Variants in AMDHD1 observed in about 807,000 individuals in gnomAD.
AMDHD1 encodes the protein amidohydrolase domain containing 1.
In AMDHD1, 45 loss-of-function variants were observed where a neutral mutation model predicts 44.1. The ratio of observed to expected loss-of-function variants is 1.02; its 90% CI spans 0.80 to 1.31. The LOEUF (loss-of-function observed/expected upper bound fraction) is 1.31, where lower values mean the gene tolerates loss of function less well. Ranked by LOEUF, AMDHD1 falls within the 50% of genes most tolerant of loss-of-function variation. AMDHD1 has a pLI of 0.00. For synonymous variants in AMDHD1, 206 were observed against 205.0 expected, an observed-to-expected ratio of 1.00 and a Z score of -0.04; for missense variants, 586 against 552.1, an observed-to-expected ratio of 1.06 and a Z score of -0.61.
At chr12:95,944,233 C>T (rs1005423903) in intron 1 of AMDHD1, among the ~76,000 whole-genome samples, 2 of 152,060 alleles carry the variant, frequency 1.3e-5, no homozygotes, top group African/African-American at 4.8e-5. Flanking sequence ...CAATTGCACA[C>T]GATCAATGAG....
chr12:95,959,378 A>G (rs2080568304), intron 4 of AMDHD1, among the ~76,000 whole-genome samples: 2 of 152,148 alleles, frequency 1.3e-5, no homozygotes, highest in South Asian at 4.1e-4. Flanking sequence ...ACATATAACT[A>G]CTGCAGAACT....
At chr12:95,956,525 T>G in intron 3 of AMDHD1, 160 bp from the exon 4 acceptor site, 3 of 970,526 alleles carry the variant, frequency 3.1e-6, no homozygotes, top group Non-Finnish European at 4.5e-6. Context: ...ACTAGGGGCT[T>G]CCAGGACTGT....
At chr12:95,961,777 G>A (rs2080582995) in intron 5 of AMDHD1, among the ~76,000 whole-genome samples, 1 of 152,176 alleles carries the variant, frequency 6.6e-6, no homozygotes, top group Non-Finnish European at 1.5e-5. Context: ...TCTCACCTCT[G>A]ATCCATAAGA....
At position 95,943,460 on chromosome 12, in the gene AMDHD1, G is replaced by A. The variant is rs1592818287; in HGVS notation, c.62G>A (p.Arg21His). The change falls in exon 1 of 9, where the codon CGC becomes CAC. Residue 21 changes from arginine to histidine, a missense_variant. Transcript: ENST00000266736. ...CAGCAAGTGGTGCTGGTGTGCGCCC[G>A]CGGCGAGCGCTTCCTGGCGCGGGAT... Reference protein sequence around the residue: ...NAQQVVLVCARGERFLARDAL... With the variant: ...NAQQVVLVCAHGERFLARDAL... 6.6e-7 allele frequency: 1 copy of A among 1,503,848 alleles called. No homozygotes were observed. The allele number at this position is 1,503,848 out of a possible 1,614,324, so 93.2% of individuals were successfully genotyped here.
In AMDHD1 at chr12:95,962,437, G is replaced by C. The variant is rs2080587422; in HGVS notation, c.896G>C (p.Arg299Thr). 6.2e-7 allele frequency: 1 copy of C among 1,613,852 alleles called. No homozygotes were observed. The highest frequency in any genetic ancestry group is 1.7e-5 in the Admixed American group (1 of 59,986). Residue 299 changes from arginine to threonine, a missense_variant, in exon 6 of 9, where the codon AGG (arginine) becomes ACG (threonine). By Grantham distance (71) the Arg-to-Thr change is moderately conservative. Transcript: ENST00000266736. Reference protein sequence around the residue: ...DEGIVAMATARCSAILLPTTA... With the variant: ...DEGIVAMATATCSAILLPTTA... Reference sequence around the variant, plus strand: ...GGCATCGTTGCCATGGCAACGGCCAGGTGCTCTGCCATCCTTCTGCCCACC... The same window carrying C: ...GGCATCGTTGCCATGGCAACGGCCACGTGCTCTGCCATCCTTCTGCCCACC...
intron 5 of AMDHD1, among the ~76,000 whole-genome samples, chr12:95,962,120 G>A (rs1255919295): frequency 1.3e-5 from 2 of 152,166 alleles, no homozygotes; most frequent in East Asian, 1.9e-4. Context: ...ACAAAAGTTA[G>A]CTGGGCATGG....
At chr12:95,948,005 G>A (rs1292624464) in intron 1 of AMDHD1, among the ~76,000 whole-genome samples, 3 of 119,366 alleles carry the variant, frequency 2.5e-5, no homozygotes, top group Admixed American at 1.6e-4. Context: ...TCAGCCCCCC[G>A]CCCGGCCAGC....
chr12:95,951,787 AG>A (rs2080526809), intron 1 of AMDHD1, among the ~76,000 whole-genome samples: 1 of 152,176 alleles, frequency 6.6e-6, no homozygotes, highest in African/African-American at 2.4e-5. Context: ...AACTGGGGTA[AG>A]ATGATCTCTC....
intron 1 of AMDHD1, among the ~76,000 whole-genome samples, chr12:95,948,403 G>T (rs1177663162): frequency 8.3e-5 from 5 of 60,052 alleles, no homozygotes; most frequent in Admixed American, 3.3e-4. Flanking sequence ...CCCCGTCCGG[G>T]AGGTGAGGGG....
chr12:95,954,316 T>C (rs1475632258), intron 2 of AMDHD1, among the ~76,000 whole-genome samples: 1 of 152,108 alleles, frequency 6.6e-6, no homozygotes, highest in East Asian at 1.9e-4. Context: ...ATGCTTGTAA[T>C]CCCAGCACTT....
intron 1 of AMDHD1, among the ~76,000 whole-genome samples, chr12:95,950,136 A>G (rs1455865699): frequency 6.6e-6 from 1 of 152,170 alleles, no homozygotes; most frequent in Non-Finnish European, 1.5e-5. Context: ...TCAATTTCTA[A>G]TCCTGCCGGT....
At chr12:95,960,310 T>C in intron 4 of AMDHD1, 88 bp from the exon 5 acceptor site, 1 of 1,121,566 alleles carries the variant, frequency 8.9e-7, no homozygotes, top group South Asian at 1.5e-5. Flanking sequence ...CCTCTACTGC[T>C]CCTCAGGTTC....
rs1358481972 is a variant in AMDHD1 at position 95,949,160 on chromosome 12, G to GAAA, written c.138-3541_138-3539dup. Among the ~76,000 whole-genome samples, 5 of 101,886 alleles carry GAAA rather than the reference G, an allele frequency of 4.9e-5. 1 individual carries two copies. Among genetic ancestry groups the GAAA allele is most frequent in the African/African-American group, 1.0e-4 (3 of 30,042 alleles). The allele number at this position is 101,886 out of a possible 152,430, so 66.8% of individuals were successfully genotyped here. A position where few individuals can be genotyped will look rare whatever the true frequency, so the allele number is the denominator to read the frequency against. On this transcript the variant is annotated intron_variant, in intron 1 of 8. Transcript: ENST00000266736. Reference sequence around the variant, plus strand: ...TAAATTAAAAAAAAAAAAAAAAAAAGAAAAAAAAAAAAAAAAAAGAGACTG... The same window carrying GAAA: ...TAAATTAAAAAAAAAAAAAAAAAAAGAAAAAAAAAAAAAAAAAAAAAGAGACTG...
In AMDHD1 at chr12:95,957,002, A is replaced by G. The variant is rs1227650991; in HGVS notation, c.587+40A>G. The stretch of plus-strand genomic sequence containing the variant: ...TGGGGGCCCGGGTTTAACTCAGAGC[A>G]TTGAAAACGAACCCCGGGGGTGGAG... On this transcript the variant is annotated intron_variant, in intron 4 of 8. Transcript: ENST00000266736. 3.1e-6 allele frequency: 5 copies of G among 1,605,754 alleles called. No homozygotes were observed. The African/African-American group carries it at 5.4e-5, about 17-fold the overall frequency.
intron 1 of AMDHD1, among the ~76,000 whole-genome samples, chr12:95,949,158 AAG>A (rs1329548898): frequency 4.3e-4 from 8 of 18,554 alleles, no homozygotes; most frequent in South Asian, 1.8e-3. Context: ...AAAAAAAAAA[AAG>A]AAAAAAAAAA....
chr12:95,961,329 A>G (rs1296454982), intron 5 of AMDHD1, among the ~76,000 whole-genome samples: 2 of 152,214 alleles, frequency 1.3e-5, no homozygotes, highest in African/African-American at 4.8e-5. Context: ...AATAGCCACA[A>G]GATGATTTTC....
rs1358481972 is a variant in AMDHD1 at position 95,949,160 on chromosome 12, GA to G, written c.138-3539del. On this transcript the variant is annotated intron_variant, in intron 1 of 8. Coordinates refer to ENST00000266736, the MANE Select transcript of AMDHD1 (RefSeq NM_152435.3). ...TAAATTAAAAAAAAAAAAAAAAAAA[GA>G]AAAAAAAAAAAAAAAAAGAGACTGC... Among the ~76,000 whole-genome samples the G allele has an allele frequency of 3.0e-3, 304 of 101,908 alleles. 8 individuals carry two copies. Among genetic ancestry groups the G allele is most frequent in the Non-Finnish European group, 5.2e-3 (231 of 44,592 alleles). 66.9% of individuals were successfully genotyped at this position (101,908 alleles called of 152,430 possible). A position where few individuals can be genotyped will look rare whatever the true frequency, so the allele number is the denominator to read the frequency against.
rs80225631 is a variant in AMDHD1 at position 95,945,650 on chromosome 12, C to T, written c.137+2115C>T. On this transcript the variant is annotated intron_variant, in intron 1 of 8. Transcript: ENST00000266736. The stretch of plus-strand genomic sequence containing the variant: ...TCAAGGACAACTTAATCCTGCTCTT[C>T]TTTTGGTAGACAAGAAGAACACAGG... Among the ~76,000 whole-genome samples, 192 of 152,286 alleles carry T rather than the reference C, an allele frequency of 1.3e-3. 1 individual carries two copies. Among genetic ancestry groups the T allele is most frequent in the African/African-American group, 4.5e-3 (188 of 41,554 alleles).
intron 1 of AMDHD1, among the ~76,000 whole-genome samples, chr12:95,944,706 C>T (rs1425335481): frequency 6.6e-6 from 1 of 152,194 alleles, no homozygotes; most frequent in Admixed American, 6.5e-5. Flanking sequence ...TGAACCACCA[C>T]GCCCAGCTTG....
Sources: allele counts gnomAD v4.1 joint callset (sites outside exome capture counted in the v4.1 genomes callset), GRCh38; gene constraint gnomAD v4.1.1; transcripts MANE v1.5; gene names NCBI Gene and HGNC (gene_info 2026-07-23, HGNC 2026-07-21).